IGF1: variants seen among roughly 807,000 people sequenced by gnomAD.
IGF1 encodes the protein insulin like growth factor 1, also known as insulin-like growth factor 1.
Under a neutral mutation model 13.8 loss-of-function variants are expected in IGF1, and 4 were observed. The observed-to-expected ratio is 0.29, with a 90% CI of 0.14 to 0.66. The LOEUF (loss-of-function observed/expected upper bound fraction) is 0.66. IGF1 is among the 30% of genes least tolerant of loss of function. The pLI, the probability that IGF1 is intolerant of heterozygous loss-of-function variation, is 0.78. For synonymous variants in IGF1, 76 were observed against 72.6 expected (o/e 1.05, Z -0.23); for missense variants, 124 against 188.5 (o/e 0.66, Z 2.00).
intron 2 of IGF1, among the ~76,000 whole-genome samples, chr12:102,439,902 G>A (rs1369515531): frequency 1.3e-5 from 2 of 152,146 alleles, no homozygotes; most frequent in Non-Finnish European, 2.9e-5. Flanking sequence ...CACATTGGAA[G>A]CATTTCCACT....
At chr12:102,402,867 G>A (rs1873803019) in intron 3 of IGF1, among the ~76,000 whole-genome samples, 1 of 152,130 alleles carries the variant, frequency 6.6e-6, no homozygotes, top group South Asian at 2.1e-4. Flanking sequence ...TGATTGAAAG[G>A]AGATCCTGAA....
intron 2 of IGF1, among the ~76,000 whole-genome samples, chr12:102,449,901 T>A (rs1011224635): frequency 1.3e-5 from 2 of 152,058 alleles, no homozygotes; most frequent in African/African-American, 4.8e-5. Context: ...CAAATGTGCG[T>A]AGGTAGAGAG....
intron 2 of IGF1, among the ~76,000 whole-genome samples, chr12:102,422,539 A>G (rs1875826886): frequency 6.6e-6 from 1 of 152,206 alleles, no homozygotes; most frequent in African/African-American, 2.4e-5. Flanking sequence ...TTGAGGGTCA[A>G]AGTTTTGTTC....
At chr12:102,424,565 A>G (rs1393096151) in intron 2 of IGF1, among the ~76,000 whole-genome samples, 1 of 152,192 alleles carries the variant, frequency 6.6e-6, no homozygotes, top group Non-Finnish European at 1.5e-5. Context: ...GCCTTATTTA[A>G]TATAAATTCA....
intron 2 of IGF1, among the ~76,000 whole-genome samples, chr12:102,434,776 G>A (rs1008877392): frequency 4.6e-5 from 7 of 151,384 alleles, no homozygotes; most frequent in African/African-American, 1.7e-4. Flanking sequence ...GTGTAAAAGT[G>A]TTCCTATTTC....
chr12:102,448,231 C>T (rs1878533203), intron 2 of IGF1, among the ~76,000 whole-genome samples: 1 of 147,728 alleles, frequency 6.8e-6, no homozygotes, highest in Non-Finnish European at 1.5e-5. Flanking sequence ...TATAAAGACA[C>T]ATGCACACGT....
At chr12:102,442,662 G>GA (rs1428781136) in intron 2 of IGF1, among the ~76,000 whole-genome samples, 2 of 151,846 alleles carry the variant, frequency 1.3e-5, no homozygotes, top group Non-Finnish European at 2.9e-5. Flanking sequence ...ACAATAACAG[G>GA]AAAAAAAGGC....
chr12:102,480,699 G>T, upstream of IGF1: 1 of 862,982 alleles, frequency 1.2e-6, no homozygotes, highest in Non-Finnish European at 1.6e-6. Context: ...TTTGGGCATG[G>T]TGACAAATAA....
chr12:102,448,750 A>G (rs1878612391), intron 2 of IGF1, among the ~76,000 whole-genome samples: 1 of 151,588 alleles, frequency 6.6e-6, no homozygotes, highest in South Asian at 2.1e-4. Context: ...GTATGAACAG[A>G]CACTTCTCAA....
chr12:102,408,360 T>G (rs533506914), intron 3 of IGF1, among the ~76,000 whole-genome samples: 1 of 152,164 alleles, frequency 6.6e-6, no homozygotes, highest in Non-Finnish European at 1.5e-5. Flanking sequence ...TCCAGGAGAG[T>G]TGGATCAGCC....
intron 2 of IGF1, among the ~76,000 whole-genome samples, chr12:102,431,820 C>G (rs1270298421): frequency 6.6e-6 from 1 of 152,126 alleles, no homozygotes; most frequent in African/African-American, 2.4e-5. Flanking sequence ...TAGAGAATGC[C>G]AGAAGGAATG....
At chr12:102,450,029 C>G (rs139947955) in intron 2 of IGF1, among the ~76,000 whole-genome samples, 1 of 152,092 alleles carries the variant, frequency 6.6e-6, no homozygotes. Context: ...GAGATGAAGA[C>G]TTCAAAAGTG....
Position 102,454,697 on chromosome 12 carries a change from T to C in IGF1, c.220+20946A>G, listed in dbSNP as rs934888903. ...AGATTGAGCCAGTAGAGTTATCCAA[T>C]GTGGATGTAAGATTCGCCATGAAGG... is the stretch of plus-strand genomic sequence containing the variant. On this transcript the variant is annotated intron_variant, in intron 2 of 3. Transcript: ENST00000337514. 2.0e-4 allele frequency among the ~76,000 whole-genome samples: 30 copies of C among 152,190 alleles called. 1 individual carries two copies. The highest frequency in any genetic ancestry group is 3.6e-4 in the African/African-American group (15 of 41,448).
At chr12:102,418,469 T>C (rs1044475345) in intron 3 of IGF1, among the ~76,000 whole-genome samples, 2 of 152,242 alleles carry the variant, frequency 1.3e-5, no homozygotes, top group Non-Finnish European at 2.9e-5. Flanking sequence ...GCAGCGAAGG[T>C]GTCATGGTGA....
intron 2 of IGF1, among the ~76,000 whole-genome samples, chr12:102,420,323 T>G (rs1875592291): frequency 6.6e-6 from 1 of 152,228 alleles, no homozygotes; most frequent in Non-Finnish European, 1.5e-5. Context: ...CCAGGAGAAC[T>G]GTTGTATGAC....
In IGF1 at chr12:102,400,664, C is replaced by T. The variant is rs543624522; in HGVS notation, c.*1843G>A. On this transcript the variant is annotated 3_prime_UTR_variant, in exon 4 of 4. Coordinates refer to ENST00000337514, the MANE Select transcript of IGF1 (RefSeq NM_000618.5). ...AATATTTCAAATTTTGGATCACTTT[C>T]CTTATATTGCCTAGAAAAGAAGGAA... The T allele has an allele frequency of 1.3e-5, 2 of 152,038 alleles. No homozygotes were observed. The highest frequency in any genetic ancestry group is 2.4e-5 in the African/African-American group (1 of 41,484). 9.4% of individuals were successfully genotyped at this position (152,038 alleles called of 1,614,324 possible). A position where few individuals can be genotyped will look rare whatever the true frequency, so the allele number is the denominator to read the frequency against.
rs1487094435 is a variant in IGF1 at position 102,398,372 on chromosome 12, AT to A, written c.*4134del. The A allele has an allele frequency of 1.3e-5, 2 of 152,252 alleles. No homozygotes were observed. The highest frequency in any genetic ancestry group is 2.4e-5 in the African/African-American group (1 of 41,426). The allele number at this position is 152,252 out of a possible 1,614,324, so 9.4% of individuals were successfully genotyped here. A position where few individuals can be genotyped will look rare whatever the true frequency, so the allele number is the denominator to read the frequency against. The stretch of plus-strand genomic sequence containing the variant: ...CTATTTTTTGCAGGTAAATCTATGT[AT>A]TTTTTCTCTTTGTTCTTATTTTCTC... On this transcript the variant is annotated 3_prime_UTR_variant, in exon 4 of 4. Transcript: ENST00000337514.
At position 102,397,343 on chromosome 12, in the gene IGF1, G is replaced by A. The variant is rs187947737; in HGVS notation, c.*5164C>T. 1 of 152,318 alleles carries A rather than the reference G, an allele frequency of 6.6e-6. No individual in the cohort carries two copies. The highest frequency in any genetic ancestry group is 1.9e-4 in the East Asian group (1 of 5,196). The allele number at this position is 152,318 out of a possible 1,614,324, so 9.4% of individuals were successfully genotyped here. A position where few individuals can be genotyped will look rare whatever the true frequency, so the allele number is the denominator to read the frequency against. On this transcript the variant is annotated 3_prime_UTR_variant, in exon 4 of 4. Transcript: ENST00000337514. ...AATAATAAGGGCTGGGTTGGGATGG[G>A]GGCAGAATAAAGACAGCTTCAAAAA...
chr12:102,424,117 C>T (rs1387042393), intron 2 of IGF1, among the ~76,000 whole-genome samples: 1 of 152,064 alleles, frequency 6.6e-6, no homozygotes, highest in Admixed American at 6.5e-5. Flanking sequence ...TAAAAAAACG[C>T]AAACGTTTTC....
Sources: allele counts gnomAD v4.1 joint callset (sites outside exome capture counted in the v4.1 genomes callset), GRCh38; gene constraint gnomAD v4.1.1; transcripts MANE v1.5; gene names NCBI Gene and HGNC (gene_info 2026-07-23, HGNC 2026-07-21).